The following PTPRT variants were observed in gnomAD, a reference collection of about 807,000 sequenced individuals.
PTPRT encodes the protein protein tyrosine phosphatase receptor type T.
PTPRT carries 56 observed loss-of-function variants against 176.8 expected under a neutral mutation model. The observed-to-expected ratio is 0.32, with a 90% CI of 0.26 to 0.40. The LOEUF (loss-of-function observed/expected upper bound fraction) is 0.40. Among genes scored for constraint, PTPRT ranks in the 10% least tolerant of loss-of-function variants. The pLI is 1.00. For missense variants in PTPRT, 1,540 were observed against 1,908.2 expected (o/e 0.81, Z 3.60); for synonymous variants, 783 against 739.0 (o/e 1.06, Z -0.96).
In PTPRT at chr20:42,683,371, G is replaced by A. The variant is rs564096895; in HGVS notation, c.860-5212C>T. ...CGGCTCACTGAAACCTCCAACTCTT[G>A]GGTTCAAGCGATTTTCCTGCCTCAG... is the stretch of plus-strand genomic sequence containing the variant. On this transcript the variant is annotated intron_variant, in intron 6 of 30. Coordinates refer to ENST00000373187, the MANE Select transcript of PTPRT (RefSeq NM_007050.6). Among the ~76,000 whole-genome samples, 3 of 152,140 alleles carry A rather than the reference G, an allele frequency of 2.0e-5. No homozygotes were observed. In the East Asian group the frequency reaches 5.8e-4, roughly 29 times the overall value.
the PTPRT span, among the ~76,000 whole-genome samples, chr20:42,035,952 T>G: frequency 1.3e-5 from 2 of 152,210 alleles, no homozygotes; most frequent in Admixed American, 6.5e-5. Context: ...GACAAGGGTT[T>G]GGGTGTAAGT....
intron 7 of PTPRT, among the ~76,000 whole-genome samples, chr20:42,630,885 T>C (rs563651748): frequency 9.9e-5 from 15 of 152,260 alleles, no homozygotes; most frequent in African/African-American, 3.4e-4. Flanking sequence ...TGTGTGGAGT[T>C]TGGCACCACA....
chr20:42,943,707 T>G (rs544103670), intron 1 of PTPRT, among the ~76,000 whole-genome samples: 3 of 152,112 alleles, frequency 2.0e-5, no homozygotes, highest in Admixed American at 1.3e-4. Context: ...GTTCAACATA[T>G]AGTTCACCTC....
At chr20:42,376,862 C>A (rs1353491984) in intron 9 of PTPRT, among the ~76,000 whole-genome samples, 3 of 152,024 alleles carry the variant, frequency 2.0e-5, no homozygotes, top group Admixed American at 1.3e-4. Flanking sequence ...GGTCAGATTG[C>A]AAAGGGTCTT....
In PTPRT at chr20:42,689,406, C is replaced by A. The variant is rs529058511; in HGVS notation, c.860-11247G>T. Among the ~76,000 whole-genome samples the A allele has an allele frequency of 7.9e-5, 12 of 152,290 alleles. No individual in the cohort carries two copies. In the East Asian group the frequency reaches 2.3e-3, roughly 29 times the overall value. ...CCACTCCATCCTCCCCTTCTGGCTCCCCATCCATCTCACTGAGAGCCACCT... is the reference window on the plus strand; with the variant it reads ...CCACTCCATCCTCCCCTTCTGGCTCACCATCCATCTCACTGAGAGCCACCT... On this transcript the variant is annotated intron_variant, in intron 6 of 30. Coordinates refer to ENST00000373187, the MANE Select transcript of PTPRT (RefSeq NM_007050.6).
At chr20:42,603,384 G>A (rs990995456) in intron 7 of PTPRT, among the ~76,000 whole-genome samples, 36 of 152,080 alleles carry the variant, frequency 2.4e-4, no homozygotes, top group African/African-American at 7.5e-4. Flanking sequence ...GGGGACAAAC[G>A]ATTTAGACAA....
intron 7 of PTPRT, among the ~76,000 whole-genome samples, chr20:42,610,202 T>A (rs975161356): frequency 6.6e-6 from 1 of 152,168 alleles, no homozygotes; most frequent in Non-Finnish European, 1.5e-5. Flanking sequence ...AAAAACCTGG[T>A]TGATAGAAAC....
intron 4 of PTPRT, among the ~76,000 whole-genome samples, chr20:42,777,454 T>C (rs930115416): frequency 1.3e-5 from 2 of 152,118 alleles, no homozygotes; most frequent in African/African-American, 2.4e-5. Flanking sequence ...TTCAAAGATA[T>C]CTCCTCTGAC....
chr20:42,636,046 G>A (rs1193976194), intron 7 of PTPRT, among the ~76,000 whole-genome samples: 1 of 152,138 alleles, frequency 6.6e-6, no homozygotes, highest in Non-Finnish European at 1.5e-5. Flanking sequence ...TTGTACTTAT[G>A]AAATTAATAG....
intron 1 of PTPRT, among the ~76,000 whole-genome samples, chr20:42,930,318 G>A (rs1321095010): frequency 1.3e-5 from 2 of 152,044 alleles, no homozygotes; most frequent in African/African-American, 2.4e-5. Flanking sequence ...GCAGGTCTTT[G>A]TTTCAGAAGA....
At chr20:42,632,031 C>T (rs974764731) in intron 7 of PTPRT, among the ~76,000 whole-genome samples, 2 of 152,050 alleles carry the variant, frequency 1.3e-5, no homozygotes, top group African/African-American at 4.8e-5. Flanking sequence ...ATTGGTTGGA[C>T]GCCGGAGACT....
chr20:42,359,957 C>T (rs752699474), intron 9 of PTPRT, among the ~76,000 whole-genome samples: 2 of 152,206 alleles, frequency 1.3e-5, no homozygotes, highest in East Asian at 1.9e-4. Context: ...GAAGTTAACT[C>T]GTTTGCCCAA....
At chr20:42,804,043 T>A (rs142969499) in intron 2 of PTPRT, among the ~76,000 whole-genome samples, 29 of 152,216 alleles carry the variant, frequency 1.9e-4, no homozygotes, top group African/African-American at 7.0e-4. Flanking sequence ...TAATGACGAC[T>A]CACAGAAATG....
intron 10 of PTPRT, 119 bp downstream of exon 10, chr20:42,351,965 A>T: frequency 2.3e-6 from 2 of 888,330 alleles, no homozygotes; most frequent in East Asian, 2.5e-5. Context: ...TAGGGACTGG[A>T]TCGTCCTAAT....
At chr20:42,824,209 A>G (rs2077951323) in intron 2 of PTPRT, among the ~76,000 whole-genome samples, 1 of 152,172 alleles carries the variant, frequency 6.6e-6, no homozygotes, top group African/African-American at 2.4e-5. Context: ...AATTTGAGCA[A>G]TATTTTCAAT....
intron 7 of PTPRT, among the ~76,000 whole-genome samples, chr20:42,586,473 A>G (rs541568125): frequency 6.6e-6 from 1 of 152,296 alleles, no homozygotes; most frequent in Admixed American, 6.5e-5. Flanking sequence ...AATAGCTTCC[A>G]GTAGGTTACG....
intron 13 of PTPRT, among the ~76,000 whole-genome samples, chr20:42,263,371 CTTTTTTTT>C (rs11477690): frequency 7.8e-5 from 4 of 50,958 alleles, no homozygotes; most frequent in African/African-American, 2.2e-4. Flanking sequence ...CCATGCCTGG[CTTTTTTTT>C]TTTTTTTTTT....
At chr20:42,398,604 C>A (rs1166832154) in intron 9 of PTPRT, among the ~76,000 whole-genome samples, 2 of 152,060 alleles carry the variant, frequency 1.3e-5, no homozygotes, top group African/African-American at 2.4e-5. Flanking sequence ...AGAACAAAAT[C>A]TCTTTGTATA....
chr20:43,040,543 A>T (rs1986562251), intron 1 of PTPRT, among the ~76,000 whole-genome samples: 1 of 152,206 alleles, frequency 6.6e-6, no homozygotes, highest in Admixed American at 6.5e-5. Flanking sequence ...TTACCTGCAC[A>T]TACCCGCACC....
Sources: allele counts gnomAD v4.1 joint callset (sites outside exome capture counted in the v4.1 genomes callset), GRCh38; gene constraint gnomAD v4.1.1; transcripts MANE v1.5; gene names NCBI Gene and HGNC (gene_info 2026-07-23, HGNC 2026-07-21).